CSNK2A2IP: variants seen among roughly 807,000 people sequenced by gnomAD.
The protein encoded by CSNK2A2IP is casein kinase II subunit alpha'-interacting protein.
At chr3:88,355,821 C>A in the CSNK2A2IP span, among the ~76,000 whole-genome samples, 1 of 152,044 alleles carries the variant, frequency 6.6e-6, no homozygotes, top group Admixed American at 6.6e-5. Context: ...GGCAAATGGT[C>A]TGTTTGCTCT....
At chr3:88,393,462 G>A in the CSNK2A2IP span, among the ~76,000 whole-genome samples, 18 of 152,172 alleles carry the variant, frequency 1.2e-4, no homozygotes, top group Admixed American at 1.2e-3. Context: ...ATAAACAGAC[G>A]TGAAGTTGAT....
At chr3:88,364,296 A>T in the CSNK2A2IP span, among the ~76,000 whole-genome samples, 1 of 151,904 alleles carries the variant, frequency 6.6e-6, no homozygotes, top group East Asian at 1.9e-4. Flanking sequence ...TGGAGGGCGT[A>T]TTGCTTCAGG....
At chr3:88,453,080 C>T in the CSNK2A2IP span, among the ~76,000 whole-genome samples, 1 of 152,084 alleles carries the variant, frequency 6.6e-6, no homozygotes, top group East Asian at 1.9e-4. Context: ...ATGTCAAGCA[C>T]TCAAGTCAAG....
chr3:88,356,653 T>A, the CSNK2A2IP span, among the ~76,000 whole-genome samples: 2 of 152,166 alleles, frequency 1.3e-5, no homozygotes, highest in African/African-American at 2.4e-5. Context: ...CTATTTTTAC[T>A]TTTTTGAGGA....
chr3:88,430,403 T>G, the CSNK2A2IP span, among the ~76,000 whole-genome samples: 1 of 152,058 alleles, frequency 6.6e-6, no homozygotes, highest in Non-Finnish European at 1.5e-5. Flanking sequence ...ATATGAGCAT[T>G]TATATATTTT....
the CSNK2A2IP span, among the ~76,000 whole-genome samples, chr3:88,393,827 C>T: frequency 6.6e-6 from 1 of 152,116 alleles, no homozygotes; most frequent in Non-Finnish European, 1.5e-5. Context: ...ACAATGTGGT[C>T]TGGGTGCCAA....
At chr3:88,351,523 A>G in the CSNK2A2IP span, among the ~76,000 whole-genome samples, 4 of 152,170 alleles carry the variant, frequency 2.6e-5, no homozygotes, top group African/African-American at 9.6e-5. Context: ...TGATAATCAT[A>G]GTCAATATGT....
chr3:88,410,848 G>A, the CSNK2A2IP span, among the ~76,000 whole-genome samples: 1 of 151,892 alleles, frequency 6.6e-6, no homozygotes, highest in African/African-American at 2.4e-5. Context: ...ACTCTTTAAA[G>A]TAAAGACTTT....
the CSNK2A2IP span, among the ~76,000 whole-genome samples, chr3:88,396,351 C>T: frequency 1.3e-5 from 2 of 151,806 alleles, no homozygotes; most frequent in Non-Finnish European, 2.9e-5. Flanking sequence ...GTGATCCGCC[C>T]GCCTCGGCCT....
chr3:88,398,434 A>G, the CSNK2A2IP span, among the ~76,000 whole-genome samples: 1 of 152,116 alleles, frequency 6.6e-6, no homozygotes, highest in East Asian at 1.9e-4. Context: ...ACTAATATGA[A>G]CGCAAAAACT....
At chr3:88,354,741 A>G in the CSNK2A2IP span, among the ~76,000 whole-genome samples, 1 of 152,172 alleles carries the variant, frequency 6.6e-6, no homozygotes, top group African/African-American at 2.4e-5. Flanking sequence ...AGAGATTAGA[A>G]AAGAAACCCC....
the CSNK2A2IP span, among the ~76,000 whole-genome samples, chr3:88,361,886 A>G: frequency 6.6e-6 from 1 of 151,490 alleles, no homozygotes; most frequent in Non-Finnish European, 1.5e-5. Context: ...TTGTTCAGAG[A>G]CTCTGATGCA....
chr3:88,346,876 G>C, the CSNK2A2IP span, among the ~76,000 whole-genome samples: 1 of 152,036 alleles, frequency 6.6e-6, no homozygotes, highest in African/African-American at 2.4e-5. Context: ...GCCATAGATA[G>C]TGATTCCTCT....
chr3:88,414,120 A>C, the CSNK2A2IP span, among the ~76,000 whole-genome samples: 15 of 151,072 alleles, frequency 9.9e-5, no homozygotes, highest in African/African-American at 3.4e-4. Flanking sequence ...GAAACAGACT[A>C]TCTCTTAAAC....
chr3:88,443,480 A>G, the CSNK2A2IP span, among the ~76,000 whole-genome samples: 1 of 152,182 alleles, frequency 6.6e-6, no homozygotes, highest in Non-Finnish European at 1.5e-5. Flanking sequence ...AAGTCTTGGA[A>G]GGTATGTAGA....
chr3:88,462,582 G>A, the CSNK2A2IP span, among the ~76,000 whole-genome samples: 1 of 152,148 alleles, frequency 6.6e-6, no homozygotes, highest in Non-Finnish European at 1.5e-5. Context: ...AGATGTGCCT[G>A]TAATGGTGGC....
chr3:88,400,340 T>A, the CSNK2A2IP span, among the ~76,000 whole-genome samples: 14 of 152,088 alleles, frequency 9.2e-5, no homozygotes. Context: ...ACCCACTACA[T>A]AATCTAATGC....
the CSNK2A2IP span, among the ~76,000 whole-genome samples, chr3:88,430,151 G>A: frequency 6.6e-6 from 1 of 152,022 alleles, no homozygotes; most frequent in African/African-American, 2.4e-5. Context: ...TGCTTTACAT[G>A]CATGATGAAT....
chr3:88,425,447 A>C, the CSNK2A2IP span, among the ~76,000 whole-genome samples: 1 of 152,138 alleles, frequency 6.6e-6, no homozygotes, highest in Non-Finnish European at 1.5e-5. Context: ...TTAATCCTTT[A>C]AATTCTATTT....
Sources: allele counts gnomAD v4.1 joint callset (sites outside exome capture counted in the v4.1 genomes callset), GRCh38; gene constraint gnomAD v4.1.1; transcripts MANE v1.5; gene names NCBI Gene and HGNC (gene_info 2026-07-23, HGNC 2026-07-21).